VWA8: variants seen among roughly 807,000 people sequenced by gnomAD.
VWA8 encodes von Willebrand factor A domain containing 8.
VWA8 carries 221 observed loss-of-function variants against 241.5 expected under a neutral mutation model. That is an observed-to-expected ratio of 0.91 (90% CI 0.82 to 1.02). VWA8 has a LOEUF of 1.02. Among genes scored for constraint, VWA8 ranks in the 50% least tolerant of loss-of-function variants. The pLI is 0.00. For missense variants in VWA8, 2,322 were observed against 2,328.7 expected, an observed-to-expected ratio of 1.00 and a Z score of 0.06; for synonymous variants, 852 against 827.1, an observed-to-expected ratio of 1.03 and a Z score of -0.52.
intron 29 of VWA8, chr13:41,696,125 T>C (rs2045214428): frequency 6.6e-6 from 1 of 152,224 alleles, no homozygotes; most frequent in Admixed American, 6.5e-5. Context: ...CAATACTTTG[T>C]TGAAAATCTT....
chr13:41,887,123 T>C, intron 6 of VWA8, 74 bp downstream of exon 6: 1 of 1,518,236 alleles, frequency 6.6e-7, no homozygotes, highest in Non-Finnish European at 8.9e-7. Context: ...TGCAGTAACA[T>C]TTTTATAGCA....
chr13:41,805,787 C>A (rs1241909261), intron 17 of VWA8, among the ~76,000 whole-genome samples: 1 of 151,132 alleles, frequency 6.6e-6, no homozygotes, highest in African/African-American at 2.4e-5. Flanking sequence ...GCACTCCAGC[C>A]TAGGTAATAA....
chr13:41,778,681 A>G (rs78695511), intron 19 of VWA8, among the ~76,000 whole-genome samples: 2,901 of 152,084 alleles, frequency 0.019, 95 homozygotes, highest in African/African-American at 0.065. Flanking sequence ...TCTACACTCC[A>G]GCACAATTAA....
chr13:41,774,796 T>C (rs923048861), intron 20 of VWA8, among the ~76,000 whole-genome samples: 5 of 149,990 alleles, frequency 3.3e-5, no homozygotes, highest in Admixed American at 6.6e-5. Flanking sequence ...TTAGAAGGAA[T>C]AACTATTTAC....
At chr13:41,746,033 G>C (rs1349865429) in intron 21 of VWA8, among the ~76,000 whole-genome samples, 2 of 152,146 alleles carry the variant, frequency 1.3e-5, no homozygotes, top group Non-Finnish European at 2.9e-5. Flanking sequence ...GAGGAGACCA[G>C]ATTGGAAGTG....
Position 41,811,326 on chromosome 13 carries a change from C to T in VWA8, c.1962G>A (p.Ala654=), listed in dbSNP as rs774775282. The change falls in exon 17 of 45, where the codon GCG becomes GCA. Residue 654 remains alanine (A), a synonymous_variant. Coordinates refer to ENST00000379310, the MANE Select transcript of VWA8 (RefSeq NM_015058.2). The stretch of plus-strand genomic sequence containing the variant: ...ACAGTTGTCTGGTAGAAAGTGATGC[C>T]GCTAATGATTGTGCCTATCAAAAGA... ...ETQDPTAQSL[A]ASLSTRQLLR... 6.8e-6 allele frequency: 11 copies of T among 1,608,302 alleles called. No homozygotes were observed. The highest frequency in any genetic ancestry group is 5.3e-5 in the African/African-American group (4 of 74,768).
intron 37 of VWA8, among the ~76,000 whole-genome samples, chr13:41,670,675 A>G (rs924564596): frequency 6.6e-6 from 1 of 152,198 alleles, no homozygotes; most frequent in African/African-American, 2.4e-5. Context: ...TTAAGGTTAA[A>G]AAACTAAAAG....
In VWA8 at chr13:41,611,561, G is replaced by C. The variant is rs779288160; in HGVS notation, c.4877+15C>G. Reference sequence around the variant, plus strand: ...ATAGCAGTAGTGCTGGTCTAAATGTGATGGGAGCACTGACCTCTGCTGGAA... The same window carrying C: ...ATAGCAGTAGTGCTGGTCTAAATGTCATGGGAGCACTGACCTCTGCTGGAA... On this transcript the variant is annotated intron_variant, in intron 39 of 44. Coordinates refer to ENST00000379310, the MANE Select transcript of VWA8 (RefSeq NM_015058.2). 6.2e-7 allele frequency: 1 copy of C among 1,613,514 alleles called. No homozygotes were observed. Among genetic ancestry groups the C allele is most frequent in the East Asian group, 2.2e-5 (1 of 44,854 alleles).
intron 3 of VWA8, among the ~76,000 whole-genome samples, chr13:41,911,729 G>C (rs1174982518): frequency 6.6e-6 from 1 of 152,126 alleles, no homozygotes; most frequent in Non-Finnish European, 1.5e-5. Context: ...ACCAAGTTTT[G>C]CTTTGTAATT....
At chr13:41,612,747 G>C (rs2044597945) in intron 38 of VWA8, among the ~76,000 whole-genome samples, 1 of 152,114 alleles carries the variant, frequency 6.6e-6, no homozygotes, top group African/African-American at 2.4e-5. Flanking sequence ...TATTGGAGGG[G>C]CAGTATAGTA....
In VWA8 at chr13:41,760,978, C is replaced by T. The variant is rs1320793185; in HGVS notation, c.2426+150G>A. On this transcript the variant is annotated intron_variant, in intron 21 of 44. Transcript: ENST00000379310. Reference sequence around the variant, plus strand: ...AATAAATTTTGCATGGTTTTATTACCTTTAAAGGAGAGAAGAGATAAGAGC... The same window carrying T: ...AATAAATTTTGCATGGTTTTATTACTTTTAAAGGAGAGAAGAGATAAGAGC... 1.7e-5 allele frequency: 13 copies of T among 757,740 alleles called. No homozygotes were observed. In the East Asian group the frequency reaches 3.1e-4, roughly 18 times the overall value. The allele number at this position is 757,740 out of a possible 1,614,324, so 46.9% of individuals were successfully genotyped here. A position where few individuals can be genotyped will look rare whatever the true frequency, so the allele number is the denominator to read the frequency against.
intron 10 of VWA8, 119 bp downstream of exon 10, chr13:41,868,227 C>T: frequency 8.7e-7 from 1 of 1,144,852 alleles, no homozygotes; most frequent in Non-Finnish European, 1.3e-6. Context: ...CATATAGATA[C>T]CGACAGAAGC....
At chr13:41,719,372 C>G in intron 26 of VWA8, 1 of 1,365,478 alleles carries the variant, frequency 7.3e-7, no homozygotes, top group Non-Finnish European at 9.4e-7. Flanking sequence ...TTTATTACAT[C>G]TACTCATGGG....
chr13:41,814,501 G>A (rs1180047887), intron 16 of VWA8, among the ~76,000 whole-genome samples: 2 of 152,146 alleles, frequency 1.3e-5, no homozygotes, highest in Admixed American at 1.3e-4. Flanking sequence ...GAAGAGCTGA[G>A]GATGCTTCAA....
At chr13:41,717,361 G>A (rs1352515871) in intron 26 of VWA8, among the ~76,000 whole-genome samples, 1 of 151,612 alleles carries the variant, frequency 6.6e-6, no homozygotes, top group Non-Finnish European at 1.5e-5. Context: ...CTATGTATAA[G>A]AAAAGGCCCT....
chr13:41,914,784 C>T (rs1170781562), intron 2 of VWA8, among the ~76,000 whole-genome samples: 1 of 152,174 alleles, frequency 6.6e-6, no homozygotes, highest in Non-Finnish European at 1.5e-5. Flanking sequence ...CCTGACCTTC[C>T]ATTATCTGGA....
At chr13:41,590,811 A>G in intron 40 of VWA8, 46 bp from the exon 41 acceptor site, 1 of 1,605,044 alleles carries the variant, frequency 6.2e-7, no homozygotes, top group Non-Finnish European at 8.5e-7. Context: ...TTAGTTATGC[A>G]GAGTCTCTGA....
At chr13:41,657,874 A>G (rs2044920325) in intron 37 of VWA8, among the ~76,000 whole-genome samples, 1 of 152,258 alleles carries the variant, frequency 6.6e-6, no homozygotes, top group Non-Finnish European at 1.5e-5. Context: ...TGGCAATGTC[A>G]TGAGTCAGGA....
At chr13:41,729,476 G>A (rs866854620) in intron 23 of VWA8, 66 bp downstream of exon 23, 6 of 1,447,560 alleles carry the variant, frequency 4.1e-6, no homozygotes, top group Middle Eastern at 2.0e-4. Context: ...AGCTAAGTTT[G>A]TGATTTGATA....
Sources: allele counts gnomAD v4.1 joint callset (sites outside exome capture counted in the v4.1 genomes callset), GRCh38; gene constraint gnomAD v4.1.1; transcripts MANE v1.5; gene names NCBI Gene and HGNC (gene_info 2026-07-23, HGNC 2026-07-21).